GREM2: variants seen among roughly 807,000 people sequenced by gnomAD.
GREM2 encodes gremlin-2.
In GREM2, 11 loss-of-function variants were observed where a neutral mutation model predicts 14.2. The ratio of observed to expected loss-of-function variants is 0.78; its 90% CI spans 0.49 to 1.28. The LOEUF is 1.28. Ranked by LOEUF, GREM2 falls within the 50% of genes most tolerant of loss-of-function variation. The pLI is 0.00. For synonymous variants in GREM2, 98 were observed against 97.6 expected (o/e 1.00, Z -0.02); for missense variants, 210 against 218.5 (o/e 0.96, Z 0.24).
chr1:240,535,934 G>A (rs751469505), intron 1 of GREM2, among the ~76,000 whole-genome samples: 1 of 152,184 alleles, frequency 6.6e-6, no homozygotes, highest in African/African-American at 2.4e-5. Flanking sequence ...TAGGGAATGA[G>A]CCAGTGTCAG....
rs142285133 is a variant in GREM2, at chr1:240,499,591, G to A, written c.-1-6115C>T. Among the ~76,000 whole-genome samples the A allele has an allele frequency of 3.9e-3, 588 of 152,314 alleles. 3 individuals carry two copies. Among genetic ancestry groups the A allele is most frequent in the African/African-American group, 0.013 (554 of 41,568 alleles). ...ACTTCATCGATGACTTGGATTCTTA[G>A]GCTGGGAGGGTGGTGGTCTGGCTCT... is the stretch of plus-strand genomic sequence containing the variant. On this transcript the variant is annotated intron_variant, in intron 1 of 1. Coordinates refer to ENST00000318160, the MANE Select transcript of GREM2 (RefSeq NM_022469.4).
intron 1 of GREM2, among the ~76,000 whole-genome samples, chr1:240,508,725 C>T (rs1244507315): frequency 6.6e-6 from 1 of 152,158 alleles, no homozygotes; most frequent in African/African-American, 2.4e-5. Flanking sequence ...AACACAAATT[C>T]AATAAACGAC....
At chr1:240,596,110 T>A (rs1424638974) in intron 1 of GREM2, among the ~76,000 whole-genome samples, 5 of 152,210 alleles carry the variant, frequency 3.3e-5, no homozygotes, top group Non-Finnish European at 5.9e-5. Flanking sequence ...GTAGGCTGAA[T>A]GATCGGTAGG....
chr1:240,566,760 C>A (rs982029442), intron 1 of GREM2, among the ~76,000 whole-genome samples: 1 of 152,146 alleles, frequency 6.6e-6, no homozygotes, highest in Admixed American at 6.6e-5. Flanking sequence ...ACAAAAATAT[C>A]CAGTACCCAG....
chr1:240,579,482 A>G (rs1572408229), intron 1 of GREM2, among the ~76,000 whole-genome samples: 1 of 152,176 alleles, frequency 6.6e-6, no homozygotes, highest in Admixed American at 6.5e-5. Flanking sequence ...GTGAGGATAG[A>G]GTGAGAGTTT....
intron 1 of GREM2, among the ~76,000 whole-genome samples, chr1:240,570,236 G>T (rs1222674012): frequency 4.6e-5 from 7 of 152,078 alleles, no homozygotes; most frequent in Non-Finnish European, 1.0e-4. Flanking sequence ...GGCTGAGGCG[G>T]GCAGATCACG....
chr1:240,555,917 T>C (rs1243974103), intron 1 of GREM2, among the ~76,000 whole-genome samples: 1 of 152,232 alleles, frequency 6.6e-6, no homozygotes, highest in African/African-American at 2.4e-5. Context: ...TTTGATTTAA[T>C]AGCCTTTGGC....
chr1:240,547,534 T>C (rs1269522451), intron 1 of GREM2, among the ~76,000 whole-genome samples: 1 of 119,396 alleles, frequency 8.4e-6, no homozygotes, highest in East Asian at 2.5e-4. Context: ...TATATATATA[T>C]AGATAGATAG....
chr1:240,580,120 G>C (rs903056087), intron 1 of GREM2, among the ~76,000 whole-genome samples: 1 of 152,142 alleles, frequency 6.6e-6, no homozygotes, highest in Admixed American at 6.5e-5. Flanking sequence ...GCTGGGTGTG[G>C]TGGCTCATGT....
At chr1:240,553,207 G>A (rs554222943) in intron 1 of GREM2, among the ~76,000 whole-genome samples, 8 of 152,266 alleles carry the variant, frequency 5.3e-5, no homozygotes, top group East Asian at 1.9e-4. Flanking sequence ...GGGTTTTATC[G>A]AGAGCGTTAG....
chr1:240,511,522 G>A (rs887513305), intron 1 of GREM2, among the ~76,000 whole-genome samples: 5 of 152,250 alleles, frequency 3.3e-5, no homozygotes, highest in South Asian at 2.1e-4. Context: ...AAGCCGAGGC[G>A]GGCGGATAAC....
At chr1:240,598,517 A>C (rs1421695824) in intron 1 of GREM2, among the ~76,000 whole-genome samples, 1 of 152,230 alleles carries the variant, frequency 6.6e-6, no homozygotes, top group Non-Finnish European at 1.5e-5. Context: ...CCCTTTGTAC[A>C]AATCCATATG....
chr1:240,609,596 T>C (rs139327133), intron 1 of GREM2, among the ~76,000 whole-genome samples: 1 of 152,216 alleles, frequency 6.6e-6, no homozygotes, highest in Non-Finnish European at 1.5e-5. Context: ...GTTGAAATAA[T>C]TCTTTTTTGT....
chr1:240,541,613 C>T (rs1264046906), intron 1 of GREM2, among the ~76,000 whole-genome samples: 2 of 151,056 alleles, frequency 1.3e-5, no homozygotes, highest in African/African-American at 2.4e-5. Context: ...TGCGTTAACT[C>T]TCAGTGGGCC....
rs2103326711 is a variant in GREM2 at position 240,542,066 on chromosome 1, TG to T, written c.-1-48591del. ...ATTTGTCAATGTGTGGAGGCATTTT[TG>T]GTCATCACCACTATGACGGCTGCTA... On this transcript the variant is annotated intron_variant, in intron 1 of 1. Transcript: ENST00000318160. This position sits in a 1 kb window ranked among gnomAD's most constrained non-coding sequence, Gnocchi z 4.1. Among the ~76,000 whole-genome samples, 1 of 152,278 alleles carries T rather than the reference TG, an allele frequency of 6.6e-6. No individual in the cohort carries two copies. The highest frequency in any genetic ancestry group is 6.5e-5 in the Admixed American group (1 of 15,288).
intron 1 of GREM2, among the ~76,000 whole-genome samples, chr1:240,584,338 C>T (rs1679547496): frequency 6.6e-6 from 1 of 151,038 alleles, no homozygotes; most frequent in Non-Finnish European, 1.5e-5. Context: ...CCACTAAAAA[C>T]ACAAAAATTA....
rs1377756510 is a variant in GREM2, at chr1:240,542,120, A to G, written c.-1-48644T>C. Among the ~76,000 whole-genome samples, 2 of 152,066 alleles carry G rather than the reference A, an allele frequency of 1.3e-5. No individual in the cohort carries two copies. Among genetic ancestry groups the G allele is most frequent in the Non-Finnish European group, 2.9e-5 (2 of 68,018 alleles). On this transcript the variant is annotated intron_variant, in intron 1 of 1. Coordinates refer to ENST00000318160, the MANE Select transcript of GREM2 (RefSeq NM_022469.4). The surrounding 1 kb of genome is among the most constrained non-coding windows in gnomAD (Gnocchi z 4.1). ...GAAATCTAGAAGGTCGAGGCCAAGG[A>G]GGATGCCGAACATCCTGCAATGCAC...
At chr1:240,594,700 A>G (rs1451267632) in intron 1 of GREM2, among the ~76,000 whole-genome samples, 1 of 151,886 alleles carries the variant, frequency 6.6e-6, no homozygotes, top group Non-Finnish European at 1.5e-5. Flanking sequence ...TCAAATATAT[A>G]TATTTATACA....
At chr1:240,555,796 C>T (rs1225132539) in intron 1 of GREM2, among the ~76,000 whole-genome samples, 2 of 152,206 alleles carry the variant, frequency 1.3e-5, no homozygotes, top group Non-Finnish European at 2.9e-5. Context: ...TAGCCACTCA[C>T]CCCAGCTATC....
Sources: gnomAD v4.1 joint callset for allele counts (sites outside exome capture counted in the v4.1 genomes callset) on GRCh38, gnomAD v4.1.1 for gene constraint, Gnocchi (gnomAD v3.1) non-coding constraint, MANE v1.5 for transcripts, NCBI Gene and HGNC (gene_info 2026-07-23, HGNC 2026-07-21) for gene names.